GMEB1: variants seen among roughly 807,000 people sequenced by gnomAD.
GMEB1 encodes the protein glucocorticoid modulatory element binding protein 1.
GMEB1 carries 6 observed loss-of-function variants against 52.4 expected under a neutral mutation model. The ratio of observed to expected loss-of-function variants is 0.11; its 90% confidence interval spans 0.06 to 0.23. The LOEUF (loss-of-function observed/expected upper bound fraction) is 0.23. GMEB1 is among the 10% of genes least tolerant of loss of function. GMEB1 has a pLI of 1.00. For missense variants in GMEB1, 486 were observed against 685.6 expected, an observed-to-expected ratio of 0.71 and a Z score of 3.25; for synonymous variants, 255 against 244.9, an observed-to-expected ratio of 1.04 and a Z score of -0.38.
At position 28,714,626 on chromosome 1, in the gene GMEB1, T is replaced by G; in HGVS notation, c.1545T>G (p.Asp515Glu). 6.2e-7 allele frequency: 1 copy of G among 1,614,082 alleles called. No homozygotes were observed. Among genetic ancestry groups the G allele is most frequent in the Non-Finnish European group, 8.5e-7 (1 of 1,180,024 alleles). Residue 515 changes from aspartate (D) to glutamate (E), a missense_variant, in exon 10 of 10, where the codon GAT (aspartate) becomes GAG (glutamate). Transcript: ENST00000373816. ...ATGGGCAGACCATCATTGAGATTGA[T>G]CCAGCCCCGGACCCAGAAGCTGAAG... ...SEDGQTIIEI[D>E]PAPDPEAEDT...
At position 28,715,049 on chromosome 1, in the gene GMEB1, CAAGT is replaced by C. The variant is rs1056588063; in HGVS notation, c.*279_*282del. On this transcript the variant is annotated 3_prime_UTR_variant, in exon 10 of 10. Transcript: ENST00000373816. ...TCTTTTAGGGGAAGTGTCAAGATAA[CAAGT>C]AACCCTGTCCAGAAAGCCATTTCCA... 7 of 372,790 alleles carry C rather than the reference CAAGT, an allele frequency of 1.9e-5. No homozygotes were observed. Among genetic ancestry groups the C allele is most frequent in the African/African-American group, 1.4e-4 (7 of 48,974 alleles). 23.1% of individuals were successfully genotyped at this position (372,790 alleles called of 1,614,324 possible). A position where few individuals can be genotyped will look rare whatever the true frequency, so the allele number is the denominator to read the frequency against.
At chr1:28,706,558 C>G (rs2124571542) in intron 8 of GMEB1, among the ~76,000 whole-genome samples, 1 of 145,708 alleles carries the variant, frequency 6.9e-6, no homozygotes, top group East Asian at 2.0e-4. Context: ...GAGTGGAGAT[C>G]ACACCATTGC....
chr1:28,702,698 C>T (rs1670573353), intron 7 of GMEB1, 129 bp downstream of exon 7: 1 of 704,484 alleles, frequency 1.4e-6, no homozygotes, highest in South Asian at 1.8e-5. Context: ...CTAACTATAG[C>T]TACAAACATC....
At chr1:28,681,368 A>G (rs1669381015) in intron 1 of GMEB1, among the ~76,000 whole-genome samples, 1 of 152,084 alleles carries the variant, frequency 6.6e-6, no homozygotes, top group Admixed American at 6.6e-5. Context: ...ACCGCGTCTC[A>G]AAAAAAAGAA....
chr1:28,683,489 A>T, intron 1 of GMEB1, 94 bp from the exon 2 acceptor site: 1 of 1,083,880 alleles, frequency 9.2e-7, no homozygotes, highest in East Asian at 2.6e-5. Context: ...TAGGCCTCCC[A>T]AAGTGCTGGG....
rs935807667 is a variant in GMEB1, at chr1:28,715,690, A to G, written c.*917A>G. The G allele has an allele frequency of 2.0e-5, 3 of 151,522 alleles. 1 individual carries two copies. Among genetic ancestry groups the G allele is most frequent in the African/African-American group, 7.3e-5 (3 of 41,150 alleles). 9.4% of individuals were successfully genotyped at this position (151,522 alleles called of 1,614,324 possible). A position where few individuals can be genotyped will look rare whatever the true frequency, so the allele number is the denominator to read the frequency against. Reference sequence around the variant, plus strand: ...AGAGGTGCAACTGACGCCTCTGGAGATCTCCAAAAGTTAGTACCGTGAGTG... The same window carrying G: ...AGAGGTGCAACTGACGCCTCTGGAGGTCTCCAAAAGTTAGTACCGTGAGTG... On this transcript the variant is annotated 3_prime_UTR_variant, in exon 10 of 10. Transcript: ENST00000373816.
In GMEB1 at chr1:28,681,790, C is replaced by T. The variant is rs528485003; in HGVS notation, c.-30-1793C>T. On this transcript the variant is annotated intron_variant, in intron 1 of 9. Transcript: ENST00000373816. ...TGATCTCGGCTCACCGCAATCTCCA[C>T]CTCCTGGGTTCAAGCGATTCTCCTG... Among the ~76,000 whole-genome samples, 3 of 152,158 alleles carry T rather than the reference C, an allele frequency of 2.0e-5. No individual in the cohort carries two copies. The East Asian group carries it at 5.8e-4, about 29-fold the overall frequency.
rs181156914 is a variant in GMEB1 at position 28,712,108 on chromosome 1, T to A, written c.991+1466T>A. Among the ~76,000 whole-genome samples, 303 of 152,292 alleles carry A rather than the reference T, an allele frequency of 2.0e-3. 1 individual carries two copies. The highest frequency in any genetic ancestry group is 3.4e-3 in the Middle Eastern group (1 of 294). ...CAATCACCTTCTTGCGTTTGATTAA[T>A]TTGCTAAGGTGGCTCACAGAACTCA... On this transcript the variant is annotated intron_variant, in intron 9 of 9. Coordinates refer to ENST00000373816, the MANE Select transcript of GMEB1 (RefSeq NM_001319674.2).
At chr1:28,674,708 CTTTTTTTTTTT>C (rs34267851) in intron 1 of GMEB1, among the ~76,000 whole-genome samples, 21 of 49,118 alleles carry the variant, frequency 4.3e-4, no homozygotes, top group African/African-American at 1.7e-3. Context: ...ATAGTTAATT[CTTTTTTTTTTT>C]TTTTTTTTTT....
chr1:28,699,780 A>C (rs1670406369), intron 6 of GMEB1, among the ~76,000 whole-genome samples: 1 of 151,340 alleles, frequency 6.6e-6, no homozygotes, highest in African/African-American at 2.4e-5. Flanking sequence ...TGCTGAAAAA[A>C]TGACCTCTTA....
intron 1 of GMEB1, among the ~76,000 whole-genome samples, chr1:28,669,919 G>C (rs1668804657): frequency 6.6e-6 from 1 of 152,166 alleles, no homozygotes; most frequent in Admixed American, 6.6e-5. Context: ...CAAGACAAGA[G>C]GGTGAAGTCT....
intron 5 of GMEB1, 53 bp downstream of exon 5, chr1:28,693,098 C>A: frequency 2.3e-6 from 2 of 854,988 alleles, no homozygotes; most frequent in Non-Finnish European, 1.8e-6. Flanking sequence ...GGCACATAAT[C>A]ATGCTAGAAT....
At chr1:28,702,407 A>G (rs776786482) in intron 6 of GMEB1, 31 bp from the exon 7 acceptor site, 2 of 1,597,410 alleles carry the variant, frequency 1.3e-6, no homozygotes, top group East Asian at 4.5e-5. Flanking sequence ...CGTTAAATTC[A>G]CTGTTCTCAC....
At chr1:28,674,062 AT>A (rs1398751120) in intron 1 of GMEB1, among the ~76,000 whole-genome samples, 1 of 151,660 alleles carries the variant, frequency 6.6e-6, no homozygotes, top group Non-Finnish European at 1.5e-5. Flanking sequence ...CTGAGACAGA[AT>A]TGCTTGAACT....
At chr1:28,708,231 C>A (rs955913280) in intron 8 of GMEB1, among the ~76,000 whole-genome samples, 1 of 151,794 alleles carries the variant, frequency 6.6e-6, no homozygotes, top group Non-Finnish European at 1.5e-5. Context: ...GTGGTGCAAT[C>A]TCAGTTTACT....
intron 8 of GMEB1, among the ~76,000 whole-genome samples, chr1:28,706,625 A>G (rs953731921): frequency 6.7e-5 from 10 of 149,960 alleles, no homozygotes; most frequent in Non-Finnish European, 1.5e-4. Flanking sequence ...AAATGGGATT[A>G]TGATGAGATG....
At chr1:28,710,252 G>A (rs1346315313) in intron 8 of GMEB1, among the ~76,000 whole-genome samples, 1 of 152,108 alleles carries the variant, frequency 6.6e-6, no homozygotes, top group African/African-American at 2.4e-5. Context: ...CAATGCTCCC[G>A]CCTTGGCCTC....
At chr1:28,687,033 A>G (rs1010188980) in intron 2 of GMEB1, among the ~76,000 whole-genome samples, 4 of 152,004 alleles carry the variant, frequency 2.6e-5, no homozygotes, top group Non-Finnish European at 2.9e-5. Context: ...CCTAGAGGCT[A>G]CTTATTAAAA....
At chr1:28,705,463 T>C (rs1670707509) in intron 8 of GMEB1, among the ~76,000 whole-genome samples, 1 of 150,344 alleles carries the variant, frequency 6.7e-6, no homozygotes, top group African/African-American at 2.4e-5. Context: ...TTTTTTTTTT[T>C]TCCTGAGACG....
Sources: allele counts gnomAD v4.1 joint callset (sites outside exome capture counted in the v4.1 genomes callset), GRCh38; gene constraint gnomAD v4.1.1; transcripts MANE v1.5; gene names NCBI Gene and HGNC (gene_info 2026-07-23, HGNC 2026-07-21).